The following GRHL2 variants were observed in gnomAD, a reference collection of about 807,000 sequenced individuals.
The protein encoded by GRHL2 is grainyhead-like protein 2 homolog.
A neutral mutation model predicts 83.8 loss-of-function variants in GRHL2; 21 were observed. The observed-to-expected ratio is 0.25, with a 90% confidence interval of 0.18 to 0.36. The LOEUF is 0.36. Among genes scored for constraint, GRHL2 ranks in the 10% least tolerant of loss-of-function variants. GRHL2 has a pLI of 1.00. For missense variants in GRHL2, 623 were observed against 781.8 expected, an observed-to-expected ratio of 0.80 and a Z score of 2.42; for synonymous variants, 280 against 278.9, an observed-to-expected ratio of 1.00 and a Z score of -0.04.
Position 101,600,868 on chromosome 8 carries a change from T to A in GRHL2, c.1098+1717T>A, listed in dbSNP as rs118182005. Reference sequence around the variant, plus strand: ...CGTGTAACTGGAAGTGTCTTATCAATGTTAAAGGACCAGGCATGGTGGCCG... The same window carrying A: ...CGTGTAACTGGAAGTGTCTTATCAAAGTTAAAGGACCAGGCATGGTGGCCG... On this transcript the variant is annotated intron_variant, in intron 8 of 15. Coordinates refer to ENST00000646743, the MANE Select transcript of GRHL2 (RefSeq NM_024915.4). Among the ~76,000 whole-genome samples the A allele has an allele frequency of 2.3e-3, 343 of 152,200 alleles. 7 individuals carry two copies. The East Asian group carries it at 0.057, about 25-fold the overall frequency.
chr8:101,666,697 A>C lies in GRHL2; in HGVS notation c.1872A>C (p.Glu624Asp). Residue 624 changes from glutamate to aspartate, a missense_variant, in exon 16 of 16, where the codon GAA (glutamate) becomes GAC (aspartate). This residue lies in a region of GRHL2 where 210 missense variants were observed against 254.8 expected (regional missense o/e 0.82). Transcript: ENST00000646743. ...MVEGFKVTLM[E>D]I Reference sequence around the variant, plus strand: ...AGGGCTTCAAGGTCACGCTCATGGAAATCTAGCCCTGGGTTTGGCATCCGC... The same window carrying C: ...AGGGCTTCAAGGTCACGCTCATGGACATCTAGCCCTGGGTTTGGCATCCGC... 1 of 1,604,458 alleles carries C rather than the reference A, an allele frequency of 6.2e-7. No homozygotes were observed. The highest frequency in any genetic ancestry group is 8.5e-7 in the Non-Finnish European group (1 of 1,171,234).
intron 14 of GRHL2, among the ~76,000 whole-genome samples, chr8:101,655,538 C>T (rs1486340765): frequency 6.6e-6 from 1 of 152,130 alleles, no homozygotes; most frequent in Non-Finnish European, 1.5e-5. Context: ...CCTAAACCCC[C>T]CAGACCTTCA....
chr8:101,509,836 A>G (rs541819173), intron 1 of GRHL2, among the ~76,000 whole-genome samples: 33 of 152,142 alleles, frequency 2.2e-4, no homozygotes, highest in African/African-American at 8.0e-4. Context: ...TTTTTTTTAC[A>G]AAATGTTCTT....
At chr8:101,556,428 G>A (rs1194986904) in intron 3 of GRHL2, among the ~76,000 whole-genome samples, 1 of 152,222 alleles carries the variant, frequency 6.6e-6, no homozygotes, top group Non-Finnish European at 1.5e-5. Context: ...ATTAGTGAGA[G>A]GTGGCCCCAA....
intron 1 of GRHL2, among the ~76,000 whole-genome samples, chr8:101,530,916 A>G (rs546737496): frequency 6.6e-6 from 1 of 152,304 alleles, no homozygotes; most frequent in East Asian, 1.9e-4. Flanking sequence ...AGAGTAGGAA[A>G]TAGAGAAGGA....
At chr8:101,625,169 GA>G (rs1813057071) in intron 9 of GRHL2, among the ~76,000 whole-genome samples, 1 of 151,998 alleles carries the variant, frequency 6.6e-6, no homozygotes, top group Non-Finnish European at 1.5e-5. Context: ...CCCCCTCCAT[GA>G]ATCCCCTTCT....
At chr8:101,675,281 A>G in the GRHL2 span, among the ~76,000 whole-genome samples, 2 of 152,178 alleles carry the variant, frequency 1.3e-5, no homozygotes, top group Non-Finnish European at 1.5e-5. Flanking sequence ...CCCTGTTTGC[A>G]GATGACATGA....
intron 10 of GRHL2, 41 bp downstream of exon 10, chr8:101,631,765 A>T (rs1350410821): frequency 2.0e-6 from 3 of 1,526,950 alleles, no homozygotes; most frequent in African/African-American, 1.4e-5. Flanking sequence ...TAAAGACTCC[A>T]GGTGGGCTGT....
the GRHL2 span, among the ~76,000 whole-genome samples, chr8:101,679,556 AT>A: frequency 6.7e-6 from 1 of 150,166 alleles, no homozygotes; most frequent in Non-Finnish European, 1.5e-5. Context: ...CAACGTTCAG[AT>A]TCAGGAAATA....
intron 14 of GRHL2, among the ~76,000 whole-genome samples, chr8:101,663,873 T>C (rs1413698636): frequency 6.6e-6 from 1 of 152,020 alleles, no homozygotes; most frequent in East Asian, 1.9e-4. Context: ...CAAAAATGTT[T>C]CCCAGTGTAT....
intron 1 of GRHL2, among the ~76,000 whole-genome samples, chr8:101,527,787 T>A (rs968795446): frequency 1.3e-5 from 2 of 152,238 alleles, no homozygotes; most frequent in Non-Finnish European, 2.9e-5. Context: ...ACAGGTATTT[T>A]ATTTTGCCAT....
At chr8:101,574,408 C>A (rs1444390534) in intron 6 of GRHL2, among the ~76,000 whole-genome samples, 4 of 152,218 alleles carry the variant, frequency 2.6e-5, no homozygotes, top group Non-Finnish European at 5.9e-5. Flanking sequence ...CAGCTTCTGG[C>A]GTACTTGCTA....
chr8:101,499,525 G>A (rs924658603), intron 1 of GRHL2, among the ~76,000 whole-genome samples: 18 of 152,084 alleles, frequency 1.2e-4, no homozygotes, highest in Admixed American at 2.0e-4. Context: ...TTTAGGTGCT[G>A]CTATAGTTAG....
chr8:101,597,024 AG>A lies in GRHL2; in HGVS notation c.1004-2032del, dbSNP rs199564374. Among the ~76,000 whole-genome samples, 15 of 152,354 alleles carry A rather than the reference AG, an allele frequency of 9.8e-5. No individual in the cohort carries two copies. The East Asian group carries it at 2.9e-3, about 29-fold the overall frequency. On this transcript the variant is annotated intron_variant, in intron 7 of 15. Transcript: ENST00000646743. ...AGAGATGTTTGAACTTAAAAGCGGT[AG>A]AAGAAGTGCAAATATGTTGTCAGTG...
intron 2 of GRHL2, 45 bp downstream of exon 2, chr8:101,543,481 A>G: frequency 6.4e-7 from 1 of 1,558,598 alleles, no homozygotes; most frequent in Non-Finnish European, 8.9e-7. Context: ...GCTCCAGGAC[A>G]ACCCTTTGCT....
At chr8:101,654,826 T>C (rs1439790546) in intron 14 of GRHL2, among the ~76,000 whole-genome samples, 2 of 152,282 alleles carry the variant, frequency 1.3e-5, no homozygotes, top group Admixed American at 1.3e-4. Flanking sequence ...AATTGGGCTG[T>C]TCTTATACTC....
At chr8:101,605,310 G>A (rs1267305061) in intron 8 of GRHL2, among the ~76,000 whole-genome samples, 1 of 152,102 alleles carries the variant, frequency 6.6e-6, no homozygotes, top group African/African-American at 2.4e-5. Flanking sequence ...AACATATCAG[G>A]CCCTGCAAGA....
chr8:101,548,893 C>T (rs573900188), intron 2 of GRHL2, among the ~76,000 whole-genome samples: 1 of 152,294 alleles, frequency 6.6e-6, no homozygotes, highest in Non-Finnish European at 1.5e-5. Context: ...CTTTGGGAGT[C>T]GCTAACATGT....
At chr8:101,530,760 C>T (rs1392929379) in intron 1 of GRHL2, among the ~76,000 whole-genome samples, 2 of 152,190 alleles carry the variant, frequency 1.3e-5, no homozygotes, top group African/African-American at 2.4e-5. Flanking sequence ...CTTCAGGGAG[C>T]TTACAAACTC....
Sources: allele counts gnomAD v4.1 joint callset (sites outside exome capture counted in the v4.1 genomes callset), GRCh38; gene constraint gnomAD v4.1.1; regional missense constraint gnomAD v4.1.1; transcripts MANE v1.5; gene names NCBI Gene and HGNC (gene_info 2026-07-23, HGNC 2026-07-21).